Variants in TWSG1 observed in about 807,000 individuals in gnomAD.
TWSG1 encodes the protein twisted gastrulation protein homolog 1.
TWSG1 carries 15 observed loss-of-function variants against 23.0 expected under a neutral mutation model. The ratio of observed to expected loss-of-function variants is 0.65; its 90% CI spans 0.44 to 1.00. The LOEUF (loss-of-function observed/expected upper bound fraction) is 1.00, where lower values mean the gene tolerates loss of function less well. TWSG1 is among the 50% of genes least tolerant of loss of function. The pLI, the probability that TWSG1 is intolerant of heterozygous loss-of-function variation, is 0.00. For missense variants in TWSG1, 242 were observed against 278.7 expected, an observed-to-expected ratio of 0.87 and a Z score of 0.94; for synonymous variants, 86 against 92.8, an observed-to-expected ratio of 0.93 and a Z score of 0.42.
chr18:9,399,331 A>T lies in TWSG1; in HGVS notation c.491-15A>T. 1 of 1,544,902 alleles carries T rather than the reference A, an allele frequency of 6.5e-7. No individual in the cohort carries two copies. The highest frequency in any genetic ancestry group is 1.2e-5 in the South Asian group (1 of 81,984). On this transcript the variant is annotated splice_polypyrimidine_tract_variant and intron_variant, in intron 4 of 4. Coordinates refer to ENST00000262120, the MANE Select transcript of TWSG1 (RefSeq NM_020648.6). ...CTTCTTTCTTGCCCTGAAATCTTAA[A>T]TTTTTGTTTTTCAGAACACATGTGT... is the stretch of plus-strand genomic sequence containing the variant.
intron 2 of TWSG1, among the ~76,000 whole-genome samples, chr18:9,340,483 T>C (rs1458021178): frequency 6.6e-6 from 1 of 151,974 alleles, no homozygotes; most frequent in African/African-American, 2.4e-5. Context: ...TTAGTTCCAC[T>C]CTTCACCTAG....
At chr18:9,337,982 C>T (rs2040430199) in intron 2 of TWSG1, among the ~76,000 whole-genome samples, 1 of 152,172 alleles carries the variant, frequency 6.6e-6, no homozygotes, top group African/African-American at 2.4e-5. Context: ...GTAGCCACCA[C>T]TCTCATTTTT....
intron 2 of TWSG1, among the ~76,000 whole-genome samples, chr18:9,348,649 C>T (rs1265380012): frequency 2.0e-5 from 3 of 152,132 alleles, no homozygotes; most frequent in African/African-American, 4.8e-5. Flanking sequence ...TTTTAGATAA[C>T]GAGAGCTGCT....
At chr18:9,338,436 A>T (rs2145589007) in intron 2 of TWSG1, among the ~76,000 whole-genome samples, 2 of 152,340 alleles carry the variant, frequency 1.3e-5, no homozygotes, top group African/African-American at 4.8e-5. Context: ...TACTGCAGTC[A>T]CTACCTCATG....
chr18:9,351,474 G>C (rs1391499580), intron 2 of TWSG1, among the ~76,000 whole-genome samples: 2 of 151,964 alleles, frequency 1.3e-5, no homozygotes, highest in Non-Finnish European at 2.9e-5. Flanking sequence ...GAAAATTTCA[G>C]TTTTAGGTTA....
rs1598834255 is a variant in TWSG1 at position 9,387,679 on chromosome 18, A to G, written c.224-8601A>G. Among the ~76,000 whole-genome samples, 4 of 151,816 alleles carry G rather than the reference A, an allele frequency of 2.6e-5. No individual in the cohort carries two copies. The East Asian group carries it at 7.8e-4, about 29-fold the overall frequency. On this transcript the variant is annotated intron_variant, in intron 3 of 4. Coordinates refer to ENST00000262120, the MANE Select transcript of TWSG1 (RefSeq NM_020648.6). ...CAGCTACTTGGGAGGCTGAAGCAGG[A>G]GAATCACTTGAACCCAGGAGGCAGA...
chr18:9,372,340 C>A (rs1453320199), intron 3 of TWSG1, among the ~76,000 whole-genome samples: 1 of 142,586 alleles, frequency 7.0e-6, no homozygotes, highest in African/African-American at 2.6e-5. Flanking sequence ...TTAACAATAA[C>A]AATTTATAGC....
chr18:9,344,517 G>GTGTGTGTA (rs1555650744), intron 2 of TWSG1, among the ~76,000 whole-genome samples: 2,522 of 105,792 alleles, frequency 0.024, 35 homozygotes, highest in Middle Eastern at 0.042. Flanking sequence ...GTGTGTGTGT[G>GTGTGTGTA]TGTGTATGTA....
At chr18:9,386,782 G>T (rs2040686936) in intron 3 of TWSG1, among the ~76,000 whole-genome samples, 2 of 152,220 alleles carry the variant, frequency 1.3e-5, no homozygotes, top group South Asian at 4.1e-4. Context: ...AAATATTTCA[G>T]AAAGAATAAT....
At chr18:9,384,668 CAA>C (rs1393363313) in intron 3 of TWSG1, among the ~76,000 whole-genome samples, 1 of 142,558 alleles carries the variant, frequency 7.0e-6, no homozygotes, top group East Asian at 2.0e-4. Flanking sequence ...TTTTTGGAGA[CAA>C]AGTCTTGCTC....
chr18:9,351,027 C>T (rs189045675), intron 2 of TWSG1, among the ~76,000 whole-genome samples: 1 of 152,154 alleles, frequency 6.6e-6, no homozygotes, highest in East Asian at 1.9e-4. Flanking sequence ...TATGCTTACA[C>T]AATATGCAAG....
chr18:9,359,893 C>T (rs1242446618), intron 2 of TWSG1, 79 bp from the exon 3 acceptor site: 2 of 1,060,430 alleles, frequency 1.9e-6, no homozygotes, highest in African/African-American at 3.1e-5. Flanking sequence ...GCAAATATGG[C>T]AGGGTTTTTT....
chr18:9,338,633 T>C (rs1381608134), intron 2 of TWSG1, among the ~76,000 whole-genome samples: 1 of 152,226 alleles, frequency 6.6e-6, no homozygotes, highest in Non-Finnish European at 1.5e-5. Flanking sequence ...AATCACCTAA[T>C]TTTGTATGTG....
rs566556262 is a variant in TWSG1, at chr18:9,337,329, G to A, written c.100G>A (p.Asp34Asn). 4 of 1,613,544 alleles carry A rather than the reference G, an allele frequency of 2.5e-6. No individual in the cohort carries two copies. Among genetic ancestry groups the A allele is most frequent in the South Asian group, 1.1e-5 (1 of 91,078 alleles). The change falls in exon 2 of 5, where the codon GAT becomes AAT. Residue 34 changes from aspartate to asparagine, a missense_variant. Transcript: ENST00000262120. ...LSCNKALCAS[D>N]VSKCLIQELC... ...CTGTAACAAAGCACTCTGTGCTAGT[G>A]ATGTGAGCAAATGCCTCATTCAGGT...
intron 3 of TWSG1, among the ~76,000 whole-genome samples, chr18:9,382,157 C>T (rs990702418): frequency 3.3e-5 from 5 of 150,600 alleles, no homozygotes; most frequent in African/African-American, 4.9e-5. Context: ...TTCTTGTCCT[C>T]ATCACTGGAA....
intron 3 of TWSG1, among the ~76,000 whole-genome samples, chr18:9,377,147 G>A (rs1443833262): frequency 2.0e-5 from 3 of 152,062 alleles, no homozygotes; most frequent in Non-Finnish European, 4.4e-5. Context: ...AGGGATGACT[G>A]TAGTCAAATG....
intron 2 of TWSG1, among the ~76,000 whole-genome samples, chr18:9,347,699 C>T (rs945597153): frequency 3.4e-4 from 51 of 152,042 alleles, no homozygotes; most frequent in African/African-American, 1.1e-3. Context: ...ACTCTATATT[C>T]TGGGAAATTT....
intron 2 of TWSG1, among the ~76,000 whole-genome samples, chr18:9,339,109 GC>G (rs1439431211): frequency 6.6e-6 from 1 of 151,986 alleles, no homozygotes; most frequent in Non-Finnish European, 1.5e-5. Flanking sequence ...GGAGGCTGAG[GC>G]AGGAGGATCA....
chr18:9,366,598 A>G (rs1159641935), intron 3 of TWSG1, among the ~76,000 whole-genome samples: 1 of 151,858 alleles, frequency 6.6e-6, no homozygotes, highest in Non-Finnish European at 1.5e-5. Context: ...TTTCGTTATG[A>G]CTCTCTCTTG....
Sources: gnomAD v4.1 joint callset for allele counts (sites outside exome capture counted in the v4.1 genomes callset) on GRCh38, gnomAD v4.1.1 for gene constraint, MANE v1.5 for transcripts, NCBI Gene and HGNC (gene_info 2026-07-23, HGNC 2026-07-21) for gene names.